VAV2: variants seen among roughly 807,000 people sequenced by gnomAD.
VAV2 encodes the protein guanine nucleotide exchange factor VAV2.
Under a neutral mutation model 132.5 loss-of-function variants are expected in VAV2, and 67 were observed. The ratio of observed to expected loss-of-function variants is 0.51; its 90% CI spans 0.42 to 0.62. VAV2 has a LOEUF of 0.62. Ranked by LOEUF, VAV2 falls within the 20% of genes least tolerant of loss-of-function variation. The pLI is 0.00. For missense variants in VAV2, 938 were observed against 1,153.6 expected (o/e 0.81, Z 2.71); for synonymous variants, 492 against 443.5 (o/e 1.11, Z -1.37).
At chr9:133,790,333 C>T (rs541712568) in intron 13 of VAV2, among the ~76,000 whole-genome samples, 2 of 152,282 alleles carry the variant, frequency 1.3e-5, no homozygotes, top group Admixed American at 6.5e-5. Flanking sequence ...CCCGCCAGCA[C>T]GCCTGGCTAA....
intron 1 of VAV2, among the ~76,000 whole-genome samples, chr9:133,957,731 C>T (rs1410092768): frequency 6.6e-6 from 1 of 152,178 alleles, no homozygotes. Context: ...ACTGTCACAA[C>T]CCGAGAGCCT....
intron 3 of VAV2, among the ~76,000 whole-genome samples, chr9:133,848,279 C>CAAAAAAAAAAAAAAA (rs34908811): frequency 7.0e-4 from 34 of 48,624 alleles, no homozygotes; most frequent in Non-Finnish European, 1.1e-3. Flanking sequence ...GACTCCGTCT[C>CAAAAAAAAAAAAAAA]AAAAAAAAAA....
At chr9:133,787,569 A>C (rs559033501) in intron 15 of VAV2, among the ~76,000 whole-genome samples, 2 of 152,232 alleles carry the variant, frequency 1.3e-5, no homozygotes, top group South Asian at 4.2e-4. Context: ...CCAGCCCTGG[A>C]GGCCAGGGAC....
At chr9:133,952,362 G>C (rs1841589047) in intron 1 of VAV2, among the ~76,000 whole-genome samples, 1 of 152,126 alleles carries the variant, frequency 6.6e-6, no homozygotes, top group African/African-American at 2.4e-5. Context: ...CCAGCACTTT[G>C]GGAGGCCGAG....
At chr9:133,925,689 G>A (rs1173290193) in intron 2 of VAV2, among the ~76,000 whole-genome samples, 1 of 152,108 alleles carries the variant, frequency 6.6e-6, no homozygotes, top group Non-Finnish European at 1.5e-5. Context: ...TTCCAGAGCC[G>A]CTGCCTTCCC....
In VAV2 at chr9:133,919,068, C is replaced by T. The variant is rs967643960; in HGVS notation, c.321+20035G>A. Reference sequence around the variant, plus strand: ...GATTACAGGTGAGAGCTACCACCCCCGGCCGCCACCATGTTTTTAAAGACT... The same window carrying T: ...GATTACAGGTGAGAGCTACCACCCCTGGCCGCCACCATGTTTTTAAAGACT... On this transcript the variant is annotated intron_variant, in intron 2 of 29. Coordinates refer to ENST00000371850, the MANE Select transcript of VAV2 (RefSeq NM_001134398.2). The surrounding 1 kb of genome is among the most constrained non-coding windows in gnomAD (Gnocchi z 5.8). 9.9e-5 allele frequency among the ~76,000 whole-genome samples: 15 copies of T among 152,074 alleles called. No individual in the cohort carries two copies. The highest frequency in any genetic ancestry group is 3.3e-4 in the Admixed American group (5 of 15,260).
At position 133,884,434 on chromosome 9, in the gene VAV2, C is replaced by T. The variant is rs1328561863; in HGVS notation, c.322-23002G>A. Among the ~76,000 whole-genome samples the T allele has an allele frequency of 5.3e-5, 8 of 152,240 alleles. No individual in the cohort carries two copies. Among genetic ancestry groups the T allele is most frequent in the Middle Eastern group, 3.4e-3 (1 of 294 alleles). ...TGGGCTGGCTGCCCTTCTCAACGCC[C>T]GCCACACTTTGTCAATTAATTAGGG... On this transcript the variant is annotated intron_variant, in intron 2 of 29. Transcript: ENST00000371850. This position sits in a 1 kb window ranked among gnomAD's most constrained non-coding sequence, Gnocchi z 5.3.
chr9:133,816,688 G>A (rs960741017), intron 4 of VAV2, among the ~76,000 whole-genome samples: 2 of 152,156 alleles, frequency 1.3e-5, no homozygotes, highest in East Asian at 1.9e-4. Context: ...AGTTATGATC[G>A]TGCCACTGCA....
intron 26 of VAV2, among the ~76,000 whole-genome samples, chr9:133,771,571 G>T (rs1245919878): frequency 1.3e-5 from 2 of 152,238 alleles, no homozygotes; most frequent in African/African-American, 2.4e-5. Context: ...AGTCGGAGAA[G>T]AAGCTGTTTG....
chr9:133,978,666 A>C (rs981133989), intron 1 of VAV2, among the ~76,000 whole-genome samples: 4 of 152,236 alleles, frequency 2.6e-5, no homozygotes. Flanking sequence ...ACAAAACAGA[A>C]ACACTGTTTC....
rs1234207389 is a variant in VAV2 at position 133,883,829 on chromosome 9, A to AG, written c.322-22398_322-22397insC. Among the ~76,000 whole-genome samples the AG allele has an allele frequency of 2.0e-5, 3 of 152,168 alleles. No homozygotes were observed. The highest frequency in any genetic ancestry group is 4.4e-5 in the Non-Finnish European group (3 of 68,028). ...CACTTGAGGTCCACAGGTGACTAGC[A>AG]ACTTTGCTTAAATTGATTCTAGTAG... On this transcript the variant is annotated intron_variant, in intron 2 of 29. Coordinates refer to ENST00000371850, the MANE Select transcript of VAV2 (RefSeq NM_001134398.2). The surrounding 1 kb of genome is among the most constrained non-coding windows in gnomAD (Gnocchi z 4.2).
intron 12 of VAV2, among the ~76,000 whole-genome samples, chr9:133,792,678 A>ACCCCCCCC (rs199592841): frequency 5.9e-5 from 7 of 118,656 alleles, no homozygotes; most frequent in African/African-American, 2.3e-4. Context: ...CCCCCAAGGG[A>ACCCCCCCC]CCCCCCCCCC....
chr9:133,957,241 C>T (rs1158221512), intron 1 of VAV2, among the ~76,000 whole-genome samples: 2 of 152,086 alleles, frequency 1.3e-5, no homozygotes, highest in Admixed American at 1.3e-4. Context: ...AGGATGTGTG[C>T]CCAGGACGCT....
intron 16 of VAV2, 147 bp from the exon 17 acceptor site, chr9:133,786,032 T>A: frequency 2.7e-6 from 2 of 746,314 alleles, no homozygotes; most frequent in Non-Finnish European, 2.3e-6. Context: ...ACACATGTTC[T>A]CACGTGTGTA....
chr9:133,837,788 AT>A lies in VAV2; in HGVS notation c.381-3449del, dbSNP rs572606185. Among the ~76,000 whole-genome samples the A allele has an allele frequency of 4.8e-3, 733 of 151,534 alleles. 4 individuals carry two copies. The highest frequency in any genetic ancestry group is 8.9e-3 in the Non-Finnish European group (601 of 67,902). ...CGTAATTTTCCCTTTCCTGCATCTC[AT>A]TTGGTGTCTTGTTCAACCCCTACTG... On this transcript the variant is annotated intron_variant, in intron 3 of 29. Coordinates refer to ENST00000371850, the MANE Select transcript of VAV2 (RefSeq NM_001134398.2).
chr9:133,917,962 C>T (rs1174380733), intron 2 of VAV2, among the ~76,000 whole-genome samples: 1 of 148,306 alleles, frequency 6.7e-6, no homozygotes, highest in Non-Finnish European at 1.5e-5. Context: ...CCCGGCCCAT[C>T]GCCACTTCCA....
intron 3 of VAV2, among the ~76,000 whole-genome samples, chr9:133,843,625 C>G (rs1588256791): frequency 6.6e-6 from 1 of 152,186 alleles, no homozygotes; most frequent in Non-Finnish European, 1.5e-5. Context: ...AATATTTGGA[C>G]AAGCCACCTG....
At position 133,919,461 on chromosome 9, in the gene VAV2, G is replaced by A. The variant is rs1189205442; in HGVS notation, c.321+19642C>T. On this transcript the variant is annotated intron_variant, in intron 2 of 29. Transcript: ENST00000371850. This position sits in a 1 kb window ranked among gnomAD's most constrained non-coding sequence, Gnocchi z 5.8. The stretch of plus-strand genomic sequence containing the variant: ...CAGCCCTGGGTGAGGGGTTCCAGGA[G>A]CCCAGGTGTCCCGGCTCCCAGCCCA... Among the ~76,000 whole-genome samples the A allele has an allele frequency of 1.3e-5, 2 of 152,170 alleles. No individual in the cohort carries two copies. Among genetic ancestry groups the A allele is most frequent in the Non-Finnish European group, 2.9e-5 (2 of 68,032 alleles).
chr9:133,839,518 T>C (rs1750795315), intron 3 of VAV2, among the ~76,000 whole-genome samples: 1 of 151,226 alleles, frequency 6.6e-6, no homozygotes, highest in Admixed American at 6.6e-5. Context: ...TGGCATGATC[T>C]CGGCTCACTG....
Sources: allele counts gnomAD v4.1 joint callset (sites outside exome capture counted in the v4.1 genomes callset), GRCh38; gene constraint gnomAD v4.1.1; non-coding constraint Gnocchi (gnomAD v3.1); transcripts MANE v1.5; gene names NCBI Gene and HGNC (gene_info 2026-07-23, HGNC 2026-07-21).